Variants in KLHL32 observed in about 807,000 individuals in gnomAD.
The protein encoded by KLHL32 is kelch-like protein 32.
A neutral mutation model predicts 64.8 loss-of-function variants in KLHL32; 35 were observed. The observed-to-expected ratio is 0.54, with a 90% CI of 0.41 to 0.72. The LOEUF (loss-of-function observed/expected upper bound fraction) is 0.72. Ranked by LOEUF, KLHL32 falls within the 30% of genes least tolerant of loss-of-function variation. The pLI is 0.00. For missense variants in KLHL32, 589 were observed against 768.5 expected, an observed-to-expected ratio of 0.77 and a Z score of 2.76; for synonymous variants, 259 against 281.0, an observed-to-expected ratio of 0.92 and a Z score of 0.78.
At chr6:97,033,093 A>C (rs559329031) in intron 3 of KLHL32, among the ~76,000 whole-genome samples, 1 of 152,320 alleles carries the variant, frequency 6.6e-6, no homozygotes, top group East Asian at 1.9e-4. Flanking sequence ...AGAGCTTGCC[A>C]TATGTCAGGC....
chr6:97,128,743 C>T (rs1054805091), intron 8 of KLHL32, among the ~76,000 whole-genome samples: 1 of 152,228 alleles, frequency 6.6e-6, no homozygotes, highest in African/African-American at 2.4e-5. Context: ...TTAGGAATGA[C>T]CCCACCAGGC....
chr6:97,017,003 C>T (rs1419631641), intron 3 of KLHL32, among the ~76,000 whole-genome samples: 1 of 152,186 alleles, frequency 6.6e-6, no homozygotes, highest in Non-Finnish European at 1.5e-5. Flanking sequence ...CCATGTGGAA[C>T]TGTGAGTCAA....
chr6:96,967,194 C>A, intron 2 of KLHL32, 111 bp downstream of exon 2: 2 of 900,272 alleles, frequency 2.2e-6, no homozygotes, highest in Non-Finnish European at 1.7e-6. Context: ...TTGAAGGAAT[C>A]ATCAAACTAG....
intron 1 of KLHL32, among the ~76,000 whole-genome samples, chr6:96,948,989 T>A (rs953370702): frequency 1.3e-5 from 2 of 152,208 alleles, no homozygotes; most frequent in African/African-American, 4.8e-5. Context: ...ATTTTGATAT[T>A]TGCATAAGTA....
chr6:97,108,959 T>C (rs1336404744), intron 6 of KLHL32, among the ~76,000 whole-genome samples: 5 of 152,236 alleles, frequency 3.3e-5, no homozygotes, highest in African/African-American at 9.6e-5. Context: ...GAACAGTTAA[T>C]AAATACAGCT....
intron 4 of KLHL32, among the ~76,000 whole-genome samples, chr6:97,054,613 T>C (rs1787498411): frequency 6.6e-6 from 1 of 152,230 alleles, no homozygotes; most frequent in Non-Finnish European, 1.5e-5. Flanking sequence ...GATAATTGAG[T>C]TGTAGTTCTT....
chr6:97,083,175 A>C (rs1792845114), intron 5 of KLHL32, among the ~76,000 whole-genome samples: 1 of 152,140 alleles, frequency 6.6e-6, no homozygotes, highest in African/African-American at 2.4e-5. Context: ...GCGGATCATG[A>C]GGTCAGGAGT....
chr6:96,921,275 A>T (rs1768746843), upstream of KLHL32, among the ~76,000 whole-genome samples: 1 of 152,228 alleles, frequency 6.6e-6, no homozygotes, highest in South Asian at 2.1e-4. Flanking sequence ...GTTGAATTAG[A>T]CTGAAAACAA....
In KLHL32 at chr6:97,085,104, A is replaced by G. The variant is rs780214287; in HGVS notation, c.412-22A>G. On this transcript the variant is annotated intron_variant, in intron 5 of 10. Transcript: ENST00000369261. Reference sequence around the variant, plus strand: ...ATTTATTTCTAAGAGATCTTTTTTCATTTTTATTTTTTGGCACCCAGGAAT... The same window carrying G: ...ATTTATTTCTAAGAGATCTTTTTTCGTTTTTATTTTTTGGCACCCAGGAAT... 3.1e-6 allele frequency: 5 copies of G among 1,592,440 alleles called. No homozygotes were observed. In the South Asian group the frequency reaches 5.6e-5, roughly 18 times the overall value.
At chr6:97,079,791 T>C (rs1387485584) in intron 5 of KLHL32, among the ~76,000 whole-genome samples, 1 of 151,900 alleles carries the variant, frequency 6.6e-6, no homozygotes, top group Non-Finnish European at 1.5e-5. Context: ...AGAACAACAA[T>C]GTATGCACCA....
At chr6:96,992,756 A>G (rs1778031352) in intron 3 of KLHL32, among the ~76,000 whole-genome samples, 1 of 152,234 alleles carries the variant, frequency 6.6e-6, no homozygotes, top group Non-Finnish European at 1.5e-5. Flanking sequence ...TACCTATATT[A>G]TAAAGCCTCT....
intron 1 of KLHL32, among the ~76,000 whole-genome samples, chr6:96,928,027 T>C (rs1051558263): frequency 6.6e-6 from 1 of 152,248 alleles, no homozygotes; most frequent in African/African-American, 2.4e-5. Context: ...TCAGCTGCTC[T>C]TCTCTTTTCA....
chr6:97,054,280 G>A (rs574773793), intron 4 of KLHL32, among the ~76,000 whole-genome samples: 1 of 152,240 alleles, frequency 6.6e-6, no homozygotes, highest in Admixed American at 6.5e-5. Context: ...GTTAACTTGT[G>A]AATATTTTAT....
intron 3 of KLHL32, among the ~76,000 whole-genome samples, chr6:96,986,139 C>G (rs1176797852): frequency 6.6e-6 from 1 of 152,198 alleles, no homozygotes; most frequent in Non-Finnish European, 1.5e-5. Context: ...GAGGTCCACT[C>G]CAGACCCTGT....
At chr6:97,069,364 C>A (rs1790334855) in intron 5 of KLHL32, among the ~76,000 whole-genome samples, 6 of 149,840 alleles carry the variant, frequency 4.0e-5, no homozygotes. Context: ...TATTCTCTCA[C>A]TAGGGAGTTA....
chr6:97,131,975 A>T (rs1053557263), intron 9 of KLHL32, among the ~76,000 whole-genome samples: 2 of 151,800 alleles, frequency 1.3e-5, no homozygotes, highest in African/African-American at 2.4e-5. Flanking sequence ...AGACTCTTTC[A>T]CTCTGTGATG....
intron 8 of KLHL32, among the ~76,000 whole-genome samples, chr6:97,127,965 A>G (rs983765439): frequency 3.9e-5 from 6 of 152,136 alleles, no homozygotes; most frequent in Admixed American, 1.3e-4. Flanking sequence ...TTTTGTCTAC[A>G]TTTCATGTAC....
At chr6:96,994,448 GTTAA>G (rs1427389344) in intron 3 of KLHL32, 4 of 961,840 alleles carry the variant, frequency 4.2e-6, no homozygotes, top group African/African-American at 1.8e-5. Context: ...ATATGTTCAA[GTTAA>G]TTAAGTACTT....
At chr6:97,073,956 G>A (rs1016911106) in intron 5 of KLHL32, among the ~76,000 whole-genome samples, 27 of 152,140 alleles carry the variant, frequency 1.8e-4, no homozygotes, top group Non-Finnish European at 2.9e-4. Context: ...ATGTGCCACA[G>A]GCCCTAGGAA....
Sources: allele counts gnomAD v4.1 joint callset (sites outside exome capture counted in the v4.1 genomes callset), GRCh38; gene constraint gnomAD v4.1.1; transcripts MANE v1.5; gene names NCBI Gene and HGNC (gene_info 2026-07-23, HGNC 2026-07-21).